The following PRDM16 variants were observed in gnomAD, a reference collection of about 807,000 sequenced individuals.
PRDM16 encodes histone-lysine N-methyltransferase PRDM16.
PRDM16 carries 23 observed loss-of-function variants against 110.6 expected under a neutral mutation model. The observed-to-expected ratio is 0.21, with a 90% CI of 0.15 to 0.29. The LOEUF (loss-of-function observed/expected upper bound fraction) is 0.29. Among genes scored for constraint, PRDM16 ranks in the 10% least tolerant of loss-of-function variants. PRDM16 has a pLI of 1.00. For synonymous variants in PRDM16, 799 were observed against 781.8 expected (o/e 1.02, Z -0.37); for missense variants, 1,615 against 1,794.3 (o/e 0.90, Z 1.81).
chr1:3,073,534 A>T (rs186989938), intron 1 of PRDM16, among the ~76,000 whole-genome samples: 1 of 152,130 alleles, frequency 6.6e-6, no homozygotes, highest in Non-Finnish European at 1.5e-5. Context: ...AGCTCCGGCG[A>T]CTTCCCCGTG....
rs77856461 is a variant in PRDM16 at position 3,438,334 on chromosome 1, G to A, written c.*4523G>A. On this transcript the variant is annotated 3_prime_UTR_variant, in exon 17 of 17. Transcript: ENST00000270722. ...ACTAGGAGTCCTGAACTGCTGACGC[G>A]AAAGAGGCGCAGTTCCCAATTAATA... The A allele has an allele frequency of 3.3e-3, 664 of 202,190 alleles. 4 individuals are homozygous for A. Among genetic ancestry groups the A allele is most frequent in the African/African-American group, 0.014 (621 of 43,662 alleles). The allele number at this position is 202,190 out of a possible 1,614,324, so 12.5% of individuals were successfully genotyped here. A position where few individuals can be genotyped will look rare whatever the true frequency, so the allele number is the denominator to read the frequency against.
chr1:3,250,856 C>T (rs117324761), intron 3 of PRDM16, among the ~76,000 whole-genome samples: 4 of 152,222 alleles, frequency 2.6e-5, no homozygotes, highest in East Asian at 1.9e-4. Flanking sequence ...GGGAAGCCTG[C>T]GAGGGTACAG....
chr1:3,396,544 C>G lies in PRDM16; in HGVS notation c.627C>G (p.His209Gln). ...AGCCAGGTGAGGAGCTGCTGGTGCA[C>G]GTGAAGGAAGGCGTCTACCCCCTGG... Reference protein sequence around the residue: ...DIEPGEELLVHVKEGVYPLGT... With the variant: ...DIEPGEELLVQVKEGVYPLGT... The change falls in exon 5 of 17, where the codon CAC becomes CAG. Residue 209 changes from histidine to glutamine, a missense_variant. Transcript: ENST00000270722. 6.2e-7 allele frequency: 1 copy of G among 1,607,406 alleles called. No individual in the cohort carries two copies. Among genetic ancestry groups the G allele is most frequent in the Non-Finnish European group, 8.5e-7 (1 of 1,176,802 alleles).
chr1:3,131,076 G>C (rs556798283), intron 1 of PRDM16, among the ~76,000 whole-genome samples: 1 of 152,280 alleles, frequency 6.6e-6, no homozygotes, highest in Non-Finnish European at 1.5e-5. Context: ...TTCTGGCCAC[G>C]CCATGGTGTG....
At chr1:3,371,528 TATCCATCCATCCACCCACCC>T (rs1022900025) in intron 3 of PRDM16, among the ~76,000 whole-genome samples, 2 of 131,104 alleles carry the variant, frequency 1.5e-5, no homozygotes, top group Admixed American at 7.4e-5. Flanking sequence ...ATCCACCATC[TATCCATCCATCCACCCACCC>T]ATCCATCCAT....
intron 3 of PRDM16, among the ~76,000 whole-genome samples, chr1:3,253,711 T>G (rs1297741997): frequency 2.6e-5 from 4 of 152,200 alleles, no homozygotes; most frequent in Non-Finnish European, 4.4e-5. Context: ...TATAGTCCTT[T>G]GGGTATATAC....
chr1:3,288,101 A>G (rs376654517), intron 3 of PRDM16, among the ~76,000 whole-genome samples: 2 of 152,364 alleles, frequency 1.3e-5, no homozygotes, highest in African/African-American at 4.8e-5. Flanking sequence ...CTGCCCGGCC[A>G]TAGGAGTCTG....
intron 9 of PRDM16, among the ~76,000 whole-genome samples, chr1:3,413,519 T>A (rs1392782540): frequency 6.6e-6 from 1 of 151,588 alleles, no homozygotes; most frequent in Non-Finnish European, 1.5e-5. Context: ...AGAGCAGGGC[T>A]AGGCTTGGGG....
chr1:3,090,911 C>G (rs371443972), intron 1 of PRDM16, among the ~76,000 whole-genome samples: 114 of 152,366 alleles, frequency 7.5e-4, no homozygotes, highest in African/African-American at 2.6e-3. Context: ...CAGAGGCACA[C>G]AGGCCTGGAT....
intron 3 of PRDM16, among the ~76,000 whole-genome samples, chr1:3,274,170 AT>A (rs1427235717): frequency 6.6e-6 from 1 of 152,210 alleles, no homozygotes; most frequent in Non-Finnish European, 1.5e-5. Context: ...GGATTTGACC[AT>A]GATGGCTATC....
chr1:3,158,799 A>T (rs1569717109), intron 1 of PRDM16, among the ~76,000 whole-genome samples: 3 of 112,850 alleles, frequency 2.7e-5, no homozygotes, highest in Non-Finnish European at 1.7e-5. Flanking sequence ...TTTGAGACAG[A>T]GTCTTGTTCT....
intron 1 of PRDM16, among the ~76,000 whole-genome samples, chr1:3,093,836 AG>A (rs1174097807): frequency 1.3e-5 from 2 of 152,064 alleles, no homozygotes; most frequent in Non-Finnish European, 2.9e-5. Flanking sequence ...GCAGGGAAGG[AG>A]GGGGAACGTG....
At chr1:3,294,632 C>T (rs369680495) in intron 3 of PRDM16, among the ~76,000 whole-genome samples, 15 of 152,146 alleles carry the variant, frequency 9.9e-5, no homozygotes, top group Non-Finnish European at 1.6e-4. Flanking sequence ...CGACGGATCC[C>T]GTGCTGCCTC....
intron 1 of PRDM16, among the ~76,000 whole-genome samples, chr1:3,141,390 C>T (rs985133971): frequency 8.5e-5 from 13 of 152,224 alleles, no homozygotes; most frequent in African/African-American, 1.4e-4. Context: ...ACGGGGGAGC[C>T]GGCTTGAGCG....
At chr1:3,362,690 G>T (rs1160780813) in intron 3 of PRDM16, among the ~76,000 whole-genome samples, 2 of 152,212 alleles carry the variant, frequency 1.3e-5, no homozygotes, top group Non-Finnish European at 1.5e-5. Flanking sequence ...ACAGCAGGAA[G>T]AATCTTCTGG....
intron 1 of PRDM16, among the ~76,000 whole-genome samples, chr1:3,113,335 G>GT (rs947102664): frequency 6.6e-6 from 1 of 152,222 alleles, no homozygotes; most frequent in Non-Finnish European, 1.5e-5. Context: ...CTAGGGGATT[G>GT]TGACCCTGGA....
At chr1:3,177,366 G>C (rs1307577246) in intron 1 of PRDM16, among the ~76,000 whole-genome samples, 1 of 152,218 alleles carries the variant, frequency 6.6e-6, no homozygotes, top group Non-Finnish European at 1.5e-5. Context: ...TCATTGTAGG[G>C]AGAACACGGG....
At chr1:3,422,141 GCAGA>G (rs200547119) in intron 12 of PRDM16, among the ~76,000 whole-genome samples, 1,577 of 146,986 alleles carry the variant, frequency 0.011, 34 homozygotes, top group African/African-American at 0.037. Context: ...AGGCAGACAG[GCAGA>G]CAGACAGGCA....
chr1:3,307,652 T>G (rs1345424180), intron 3 of PRDM16: 1 of 152,130 alleles, frequency 6.6e-6, no homozygotes, highest in Admixed American at 6.6e-5. Flanking sequence ...TCCACGATAT[T>G]TGTGTCTACA....
Sources: allele counts gnomAD v4.1 joint callset (sites outside exome capture counted in the v4.1 genomes callset), GRCh38; gene constraint gnomAD v4.1.1; transcripts MANE v1.5; gene names NCBI Gene and HGNC (gene_info 2026-07-23, HGNC 2026-07-21).